CDH4: variants seen among roughly 807,000 people sequenced by gnomAD.
The protein encoded by CDH4 is cadherin 4.
Under a neutral mutation model 86.0 loss-of-function variants are expected in CDH4, and 33 were observed. That is an observed-to-expected ratio of 0.38 (90% CI 0.29 to 0.51). The LOEUF is 0.51. Among genes scored for constraint, CDH4 ranks in the 20% least tolerant of loss-of-function variants. The pLI, the probability that CDH4 is intolerant of heterozygous loss-of-function variation, is 0.86. For missense variants in CDH4, 1,114 were observed against 1,307.4 expected, an observed-to-expected ratio of 0.85 and a Z score of 2.28; for synonymous variants, 555 against 549.4, an observed-to-expected ratio of 1.01 and a Z score of -0.14.
chr20:61,664,770 C>T (rs1411934035), intron 2 of CDH4, among the ~76,000 whole-genome samples: 1 of 152,248 alleles, frequency 6.6e-6, no homozygotes, highest in Non-Finnish European at 1.5e-5. Context: ...CAGTTCCTTC[C>T]TTCCAGGGGT....
At chr20:61,896,359 C>T (rs76004000) in intron 8 of CDH4, among the ~76,000 whole-genome samples, 3,070 of 152,342 alleles carry the variant, frequency 0.02, 105 homozygotes, top group African/African-American at 0.07. Context: ...CTCGCCACAG[C>T]GGCCGTCCCG....
intron 2 of CDH4, among the ~76,000 whole-genome samples, chr20:61,492,733 C>T (rs1173171434): frequency 6.6e-6 from 1 of 152,154 alleles, no homozygotes; most frequent in African/African-American, 2.4e-5. Flanking sequence ...TGAACAAGTC[C>T]ATGTACAATG....
intron 2 of CDH4, among the ~76,000 whole-genome samples, chr20:61,670,025 T>C (rs896022558): frequency 1.3e-5 from 2 of 152,068 alleles, no homozygotes; most frequent in Non-Finnish European, 2.9e-5. Flanking sequence ...GCTGATCTAA[T>C]GAGTATGAGG....
chr20:61,796,839 G>A (rs773468339), intron 4 of CDH4, among the ~76,000 whole-genome samples: 4 of 152,194 alleles, frequency 2.6e-5, no homozygotes, highest in Non-Finnish European at 5.9e-5. Context: ...TGGAGCTACC[G>A]AGCAGAAACC....
At chr20:61,748,932 G>GTAAGATGGCAGATTTGCAAATATAT (rs1441786932) in intron 3 of CDH4, among the ~76,000 whole-genome samples, 1 of 71,270 alleles carries the variant, frequency 1.4e-5, no homozygotes, top group African/African-American at 7.8e-5. Context: ...ATTTCTCTTT[G>GTAAGATGGCAGATTTGCAAATATAT]TTGTAATTTA....
intron 2 of CDH4, among the ~76,000 whole-genome samples, chr20:61,324,937 C>T (rs2084528799): frequency 6.6e-6 from 1 of 152,134 alleles, no homozygotes; most frequent in South Asian, 2.1e-4. Flanking sequence ...TCCGAGACCA[C>T]ATCGAGCCTG....
At chr20:61,609,479 T>C (rs2086668867) in intron 2 of CDH4, among the ~76,000 whole-genome samples, 1 of 152,188 alleles carries the variant, frequency 6.6e-6, no homozygotes, top group South Asian at 2.1e-4. Flanking sequence ...TAGAGTACTT[T>C]CGGCAGCTCC....
At chr20:61,750,063 A>C (rs906321767) in intron 3 of CDH4, among the ~76,000 whole-genome samples, 1 of 152,236 alleles carries the variant, frequency 6.6e-6, no homozygotes, top group Non-Finnish European at 1.5e-5. Context: ...CCTATCAAAA[A>C]AAAAGGGCAG....
chr20:61,389,610 A>T (rs578036889), intron 2 of CDH4, among the ~76,000 whole-genome samples: 1 of 152,286 alleles, frequency 6.6e-6, no homozygotes, highest in Non-Finnish European at 1.5e-5. Flanking sequence ...CAGCGTCTTC[A>T]TTGTTGTTCT....
chr20:61,394,333 C>A (rs962699069), intron 2 of CDH4, among the ~76,000 whole-genome samples: 2 of 152,176 alleles, frequency 1.3e-5, no homozygotes, highest in Admixed American at 6.5e-5. Context: ...CGGGCAGAAC[C>A]CACCTCTCAG....
At chr20:61,744,047 C>T (rs2088379320) in intron 3 of CDH4, among the ~76,000 whole-genome samples, 1 of 152,198 alleles carries the variant, frequency 6.6e-6, no homozygotes, top group South Asian at 2.1e-4. Flanking sequence ...GGTCTTGTCG[C>T]TCTTCATATG....
chr20:61,388,334 G>A (rs2084963430), intron 2 of CDH4, among the ~76,000 whole-genome samples: 1 of 152,160 alleles, frequency 6.6e-6, no homozygotes, highest in Admixed American at 6.5e-5. Context: ...TGGAAGAGTA[G>A]ACCACATACC....
intron 2 of CDH4, among the ~76,000 whole-genome samples, chr20:61,549,540 G>C (rs2086112112): frequency 6.6e-6 from 1 of 152,242 alleles, no homozygotes; most frequent in African/African-American, 2.4e-5. Flanking sequence ...TGCTTGCTTT[G>C]TGTACAAAGT....
chr20:61,933,143 C>G lies in CDH4; in HGVS notation c.2379+19C>G. On this transcript the variant is annotated intron_variant, in intron 14 of 15. Transcript: ENST00000614565. Reference sequence around the variant, plus strand: ...GGACCAGGTGAGACTGCGGCCCGCCCCCGCCTCCCCACGCGAGGCCGGCTC... The same window carrying G: ...GGACCAGGTGAGACTGCGGCCCGCCGCCGCCTCCCCACGCGAGGCCGGCTC... The G allele has an allele frequency of 6.2e-7, 1 of 1,608,472 alleles. No individual in the cohort carries two copies. The highest frequency in any genetic ancestry group is 8.5e-7 in the Non-Finnish European group (1 of 1,176,914).
chr20:61,931,458 G>A (rs1388861444), intron 13 of CDH4, among the ~76,000 whole-genome samples: 1 of 152,268 alleles, frequency 6.6e-6, no homozygotes, highest in Non-Finnish European at 1.5e-5. Context: ...ACATCAGGCA[G>A]CCACAGCCAA....
At chr20:61,624,029 A>C (rs891919059) in intron 2 of CDH4, among the ~76,000 whole-genome samples, 1 of 152,126 alleles carries the variant, frequency 6.6e-6, no homozygotes, top group Non-Finnish European at 1.5e-5. Context: ...TCTGGTTCCA[A>C]CGTTTTCTCG....
intron 2 of CDH4, among the ~76,000 whole-genome samples, chr20:61,733,653 G>A (rs1026410124): frequency 3.3e-5 from 5 of 151,994 alleles, no homozygotes; most frequent in African/African-American, 1.2e-4. Context: ...TGAATGGAAG[G>A]AAGGAAGGAA....
At chr20:61,718,962 C>T (rs773343264) in intron 2 of CDH4, 9 of 471,098 alleles carry the variant, frequency 1.9e-5, no homozygotes, top group East Asian at 1.4e-4. Context: ...CTTCTCTCCT[C>T]GCCCTGCCCC....
intron 3 of CDH4, among the ~76,000 whole-genome samples, chr20:61,766,081 GA>G (rs1240981141): frequency 6.6e-6 from 1 of 151,926 alleles, no homozygotes; most frequent in African/African-American, 2.4e-5. Flanking sequence ...ACCCAGGAAG[GA>G]GCCTGGGCCC....
Sources: gnomAD v4.1 joint callset for allele counts (sites outside exome capture counted in the v4.1 genomes callset) on GRCh38, gnomAD v4.1.1 for gene constraint, MANE v1.5 for transcripts, NCBI Gene and HGNC (gene_info 2026-07-23, HGNC 2026-07-21) for gene names.